WWOX: variants seen among roughly 807,000 people sequenced by gnomAD.
The protein encoded by WWOX is WW domain containing oxidoreductase, also known as WW domain-containing oxidoreductase.
In WWOX, 69 loss-of-function variants were observed where a neutral mutation model predicts 46.2. That is an observed-to-expected ratio of 1.49 (90% CI 1.23 to 1.82). The LOEUF is 1.82. WWOX is among the 40% of genes most tolerant of loss of function. WWOX has a pLI of 0.00. For missense variants in WWOX, 919 were observed against 542.6 expected (o/e 1.69, Z -6.89); for synonymous variants, 359 against 202.6 (o/e 1.77, Z -6.56).
chr16:78,932,670 C>A (rs908505385), intron 8 of WWOX, among the ~76,000 whole-genome samples: 4 of 152,208 alleles, frequency 2.6e-5, no homozygotes, highest in Admixed American at 2.6e-4. Flanking sequence ...GAATTCCCCC[C>A]ATGGGAGGAC....
At chr16:79,122,682 G>A (rs535310986) in intron 8 of WWOX, among the ~76,000 whole-genome samples, 111 of 151,716 alleles carry the variant, frequency 7.3e-4, no homozygotes, top group Non-Finnish European at 1.4e-3. Context: ...GGGTCTGCTC[G>A]CAGGAAATAA....
At chr16:78,476,532 C>T (rs2084352125) in intron 8 of WWOX, among the ~76,000 whole-genome samples, 1 of 151,908 alleles carries the variant, frequency 6.6e-6, no homozygotes. Flanking sequence ...GTGCAGCACA[C>T]CAACACAGCA....
intron 8 of WWOX, among the ~76,000 whole-genome samples, chr16:78,659,509 G>A (rs1400853413): frequency 6.6e-6 from 1 of 152,002 alleles, no homozygotes; most frequent in East Asian, 1.9e-4. Flanking sequence ...GGTGCCTAAA[G>A]TTTGAGAACT....
chr16:79,003,443 A>G (rs1195424121), intron 8 of WWOX, among the ~76,000 whole-genome samples: 1 of 152,142 alleles, frequency 6.6e-6, no homozygotes, highest in East Asian at 1.9e-4. Flanking sequence ...AACAAGGTGT[A>G]CCCCTCAATT....
At chr16:78,623,723 A>C (rs552783754) in intron 8 of WWOX, among the ~76,000 whole-genome samples, 1 of 119,090 alleles carries the variant, frequency 8.4e-6, no homozygotes, top group East Asian at 2.4e-4. Context: ...CAACAGAGTC[A>C]GACTCTGTCT....
intron 8 of WWOX, among the ~76,000 whole-genome samples, chr16:78,635,497 T>A (rs1191338709): frequency 6.6e-6 from 1 of 152,174 alleles, no homozygotes; most frequent in Non-Finnish European, 1.5e-5. Flanking sequence ...CCTGGGTTCA[T>A]ATCCTGGCTG....
At chr16:78,351,590 A>G (rs1208957048) in intron 5 of WWOX, among the ~76,000 whole-genome samples, 2 of 152,192 alleles carry the variant, frequency 1.3e-5, no homozygotes, top group African/African-American at 4.8e-5. Context: ...ATCCTGACTA[A>G]GCGGAGCAGA....
At chr16:79,072,677 T>A (rs1305849209) in intron 8 of WWOX, among the ~76,000 whole-genome samples, 1 of 152,194 alleles carries the variant, frequency 6.6e-6, no homozygotes, top group Non-Finnish European at 1.5e-5. Flanking sequence ...ATCTTCATCA[T>A]CACCATCACC....
chr16:79,059,039 G>T (rs1010100005), intron 8 of WWOX, among the ~76,000 whole-genome samples: 6 of 152,132 alleles, frequency 3.9e-5, no homozygotes, highest in African/African-American at 1.4e-4. Context: ...CTGATTTCTG[G>T]AGATTGTTAT....
chr16:78,443,615 A>T (rs2151399676), intron 8 of WWOX, among the ~76,000 whole-genome samples: 1 of 152,226 alleles, frequency 6.6e-6, no homozygotes, highest in Non-Finnish European at 1.5e-5. Flanking sequence ...AGCACCCGAG[A>T]AGGGGAGAAA....
intron 5 of WWOX, among the ~76,000 whole-genome samples, chr16:78,297,997 T>C (rs2079969536): frequency 6.6e-6 from 1 of 152,118 alleles, no homozygotes; most frequent in East Asian, 1.9e-4. Context: ...GTGCTGTGAG[T>C]GAGTTCTCAT....
At chr16:78,980,193 T>G (rs1245203952) in intron 8 of WWOX, among the ~76,000 whole-genome samples, 1 of 152,212 alleles carries the variant, frequency 6.6e-6, no homozygotes, top group Non-Finnish European at 1.5e-5. Flanking sequence ...CCTTGCTGAA[T>G]CATACCTATC....
chr16:78,954,319 G>A (rs889453553), intron 8 of WWOX, among the ~76,000 whole-genome samples: 3 of 152,088 alleles, frequency 2.0e-5, no homozygotes, highest in African/African-American at 7.2e-5. Flanking sequence ...ATAGAAGGTG[G>A]ATGGATGGAG....
chr16:78,608,506 G>A (rs911472537), intron 8 of WWOX, among the ~76,000 whole-genome samples: 5 of 152,172 alleles, frequency 3.3e-5, no homozygotes, highest in East Asian at 1.9e-4. Context: ...CAGGGAAACC[G>A]GAGTTCTCCC....
chr16:78,462,155 T>C (rs1226690581), intron 8 of WWOX, among the ~76,000 whole-genome samples: 6 of 152,196 alleles, frequency 3.9e-5, no homozygotes, highest in Non-Finnish European at 1.5e-5. Flanking sequence ...TGGAGTCAGT[T>C]GTGGAAAAGG....
At chr16:79,133,365 A>G (rs2049920031) in intron 8 of WWOX, among the ~76,000 whole-genome samples, 1 of 152,196 alleles carries the variant, frequency 6.6e-6, no homozygotes, top group Admixed American at 6.5e-5. Context: ...GGGGAACCCA[A>G]TATCAGTTCC....
chr16:78,809,347 A>G (rs992015145), intron 8 of WWOX, among the ~76,000 whole-genome samples: 2 of 150,822 alleles, frequency 1.3e-5, no homozygotes, highest in Non-Finnish European at 2.9e-5. Context: ...CCACCGTGGT[A>G]TTCTAGGAAG....
chr16:78,209,948 G>C (rs577172311), intron 5 of WWOX, among the ~76,000 whole-genome samples: 30 of 152,072 alleles, frequency 2.0e-4, no homozygotes, highest in African/African-American at 6.5e-4. Flanking sequence ...TTGCCACACA[G>C]GGAATGAAAA....
chr16:78,940,562 A>C (rs1055720759), intron 8 of WWOX, among the ~76,000 whole-genome samples: 2 of 152,134 alleles, frequency 1.3e-5, no homozygotes, highest in African/African-American at 4.8e-5. Context: ...TTAATCCATT[A>C]GTACCTGAGT....
Sources: gnomAD v4.1 joint callset for allele counts (sites outside exome capture counted in the v4.1 genomes callset) on GRCh38, gnomAD v4.1.1 for gene constraint, MANE v1.5 for transcripts, NCBI Gene and HGNC (gene_info 2026-07-23, HGNC 2026-07-21) for gene names.